The following RHOG variants were observed in gnomAD, a reference collection of about 807,000 sequenced individuals.
RHOG encodes rho-related GTP-binding protein RhoG.
Under a neutral mutation model 12.3 loss-of-function variants are expected in RHOG, and 1 was observed. The ratio of observed to expected loss-of-function variants is 0.08; its 90% confidence interval spans 0.03 to 0.39. The LOEUF (loss-of-function observed/expected upper bound fraction) is 0.39. Ranked by LOEUF, RHOG falls within the 10% of genes least tolerant of loss-of-function variation. The pLI is 0.99. For missense variants in RHOG, 114 were observed against 266.2 expected, an observed-to-expected ratio of 0.43 and a Z score of 3.98; for synonymous variants, 129 against 116.0, an observed-to-expected ratio of 1.11 and a Z score of -0.72.
In RHOG at chr11:3,832,349, AG is replaced by A. The variant is rs553155965; in HGVS notation, c.-68-4144del. Reference sequence around the variant, plus strand: ...ACACAAACCCAGTTTTGTGACCCAAAGTCCTGTGTTTTCCTTGGTGCATCAT... The same window carrying A: ...ACACAAACCCAGTTTTGTGACCCAAATCCTGTGTTTTCCTTGGTGCATCAT... On this transcript the variant is annotated intron_variant, in intron 1 of 1. Transcript: ENST00000351018. 6.0e-4 allele frequency among the ~76,000 whole-genome samples: 91 copies of A among 152,296 alleles called. 1 individual carries two copies. The highest frequency in any genetic ancestry group is 2.1e-3 in the African/African-American group (89 of 41,550).
chr11:3,832,770 A>T (rs2090138112), intron 1 of RHOG, among the ~76,000 whole-genome samples: 1 of 152,226 alleles, frequency 6.6e-6, no homozygotes, highest in Non-Finnish European at 1.5e-5. Context: ...TCAGGAGGGC[A>T]TATAGAGTCT....
intron 1 of RHOG, among the ~76,000 whole-genome samples, chr11:3,839,485 AACAC>A (rs71041402): frequency 0.29 from 41,465 of 141,660 alleles, 5,918 homozygotes; most frequent in Admixed American, 0.32. Context: ...CGCGCGCGCG[AACAC>A]ACACACACAC....
intron 1 of RHOG, among the ~76,000 whole-genome samples, chr11:3,836,265 G>C (rs2090155144): frequency 6.7e-6 from 1 of 148,970 alleles, no homozygotes; most frequent in South Asian, 2.1e-4. Context: ...GCTGAGGGAG[G>C]ACAATCACTT....
intron 1 of RHOG, among the ~76,000 whole-genome samples, chr11:3,834,907 T>A (rs2090148470): frequency 6.6e-6 from 1 of 152,214 alleles, no homozygotes; most frequent in Admixed American, 6.5e-5. Context: ...AACCTCATTA[T>A]AACTACAATC....
At chr11:3,828,787 AT>A (rs535881723) in intron 1 of RHOG, among the ~76,000 whole-genome samples, 2 of 151,436 alleles carry the variant, frequency 1.3e-5, no homozygotes, top group African/African-American at 2.4e-5. Flanking sequence ...CGCCCGGCTA[AT>A]TTTTTGTATT....
At chr11:3,832,688 C>A (rs997870569) in intron 1 of RHOG, among the ~76,000 whole-genome samples, 5 of 152,212 alleles carry the variant, frequency 3.3e-5, no homozygotes, top group African/African-American at 1.2e-4. Flanking sequence ...CCTTTATCCT[C>A]TCTCCCAAAA....
At position 3,830,065 on chromosome 11, in the gene RHOG, C is replaced by T. The variant is rs2090117252; in HGVS notation, c.-68-1859G>A. ...CCCGGCCTGGAGCAAATCTTTCAGGCCCAACTAGGAAGGATGAAGTCAAGA... is the reference window on the plus strand; with the variant it reads ...CCCGGCCTGGAGCAAATCTTTCAGGTCCAACTAGGAAGGATGAAGTCAAGA... On this transcript the variant is annotated intron_variant, in intron 1 of 1. Transcript: ENST00000351018. 2.6e-5 allele frequency among the ~76,000 whole-genome samples: 4 copies of T among 152,116 alleles called. No homozygotes were observed. The South Asian group carries it at 8.3e-4, about 32-fold the overall frequency.
intron 1 of RHOG, among the ~76,000 whole-genome samples, chr11:3,839,253 A>G (rs1008345271): frequency 6.6e-6 from 1 of 152,098 alleles, no homozygotes; most frequent in African/African-American, 2.4e-5. Context: ...CTCTTGGTCA[A>G]GCACCACGGG....
intron 1 of RHOG, among the ~76,000 whole-genome samples, chr11:3,838,520 T>C (rs1214974194): frequency 6.6e-6 from 1 of 151,962 alleles, no homozygotes; most frequent in Admixed American, 6.6e-5. Context: ...TAACCTGGGC[T>C]CTTATGTAGG....
intron 1 of RHOG, chr11:3,837,964 C>T (rs974300714): frequency 1.3e-5 from 2 of 152,432 alleles, no homozygotes; most frequent in Non-Finnish European, 2.9e-5. Flanking sequence ...GATGCCCTCC[C>T]CCCATATGAG....
intron 1 of RHOG, among the ~76,000 whole-genome samples, chr11:3,838,598 G>A (rs1395282009): frequency 2.0e-5 from 3 of 152,178 alleles, no homozygotes; most frequent in Non-Finnish European, 2.9e-5. Flanking sequence ...ACAAGTGGTT[G>A]GAAGGGCAGG....
chr11:3,840,376 C>T (rs1011015624), intron 1 of RHOG, among the ~76,000 whole-genome samples: 1 of 152,046 alleles, frequency 6.6e-6, no homozygotes, highest in East Asian at 1.9e-4. Flanking sequence ...GGCCTTGGGG[C>T]TGCAGACCGA....
At chr11:3,837,014 C>T (rs1241751922) in intron 1 of RHOG, among the ~76,000 whole-genome samples, 2 of 151,376 alleles carry the variant, frequency 1.3e-5, no homozygotes, top group African/African-American at 4.9e-5. Flanking sequence ...AGGAAGGGTG[C>T]ACACTGGCTT....
intron 1 of RHOG, among the ~76,000 whole-genome samples, chr11:3,833,197 G>C (rs1392752932): frequency 6.6e-6 from 1 of 152,096 alleles, no homozygotes; most frequent in Non-Finnish European, 1.5e-5. Context: ...CAACCTCCCA[G>C]GCTCAAGGCA....
chr11:3,839,306 A>T (rs1026747207), intron 1 of RHOG, among the ~76,000 whole-genome samples: 1 of 152,052 alleles, frequency 6.6e-6, no homozygotes, highest in Non-Finnish European at 1.5e-5. Flanking sequence ...TACAAGTCTT[A>T]TTCCTGTGTC....
chr11:3,840,219 G>C (rs969745290), intron 1 of RHOG, among the ~76,000 whole-genome samples: 3 of 152,116 alleles, frequency 2.0e-5, no homozygotes, highest in Admixed American at 6.5e-5. Flanking sequence ...GCAAGGCCAG[G>C]CTCTGGTCAG....
intron 1 of RHOG, among the ~76,000 whole-genome samples, chr11:3,831,719 A>C (rs1565083186): frequency 6.6e-6 from 1 of 152,226 alleles, no homozygotes; most frequent in East Asian, 1.9e-4. Context: ...CCTTGGAGGC[A>C]GGGGGCATTA....
At chr11:3,838,426 G>A (rs2090169064) in intron 1 of RHOG, among the ~76,000 whole-genome samples, 1 of 152,120 alleles carries the variant, frequency 6.6e-6, no homozygotes, top group African/African-American at 2.4e-5. Flanking sequence ...AGTAACTACT[G>A]GTTTGCCAGC....
At chr11:3,829,177 C>A (rs117354139) in intron 1 of RHOG, among the ~76,000 whole-genome samples, 1 of 152,060 alleles carries the variant, frequency 6.6e-6, no homozygotes, top group Non-Finnish European at 1.5e-5. Flanking sequence ...AGTTAAGAAA[C>A]CTGCTGAGTA....
Sources: gnomAD v4.1 joint callset for allele counts (sites outside exome capture counted in the v4.1 genomes callset) on GRCh38, gnomAD v4.1.1 for gene constraint, MANE v1.5 for transcripts, NCBI Gene and HGNC (gene_info 2026-07-23, HGNC 2026-07-21) for gene names.